Variants in DRAM1 observed in about 807,000 individuals in gnomAD.
DRAM1 encodes DNA damage regulated autophagy modulator 1.
In DRAM1, 25 loss-of-function variants were observed where a neutral mutation model predicts 28.5. The observed-to-expected ratio is 0.88, with a 90% confidence interval of 0.64 to 1.23. The LOEUF is 1.23. DRAM1 is among the 50% of genes most tolerant of loss of function. DRAM1 has a pLI of 0.00. For synonymous variants in DRAM1, 113 were observed against 114.2 expected, an observed-to-expected ratio of 0.99 and a Z score of 0.07; for missense variants, 249 against 299.2, an observed-to-expected ratio of 0.83 and a Z score of 1.24.
intron 1 of DRAM1, among the ~76,000 whole-genome samples, chr12:101,886,062 C>T (rs1016156825): frequency 2.0e-5 from 3 of 152,144 alleles, no homozygotes; most frequent in African/African-American, 7.2e-5. Context: ...TAATTGTTAA[C>T]TGATTCTGCC....
chr12:101,905,145 C>G (rs1376080718), intron 3 of DRAM1, among the ~76,000 whole-genome samples: 1 of 152,140 alleles, frequency 6.6e-6, no homozygotes, highest in Non-Finnish European at 1.5e-5. Flanking sequence ...TGTGATCCTC[C>G]CATCTCCACC....
chr12:101,891,038 C>T (rs75264705), intron 1 of DRAM1, among the ~76,000 whole-genome samples: 5 of 152,102 alleles, frequency 3.3e-5, no homozygotes, highest in African/African-American at 1.2e-4. Context: ...CGTGAGCCAC[C>T]GCGCCCGGCC....
chr12:101,914,279 G>A (rs1018095027), intron 5 of DRAM1, 47 bp downstream of exon 5: 1 of 1,502,118 alleles, frequency 6.7e-7, no homozygotes, highest in Non-Finnish European at 9.2e-7. Flanking sequence ...GTGGTTATGT[G>A]AGCTTGTGGC....
chr12:101,904,956 A>G (rs1315039832), intron 3 of DRAM1, among the ~76,000 whole-genome samples: 1 of 152,206 alleles, frequency 6.6e-6, no homozygotes, highest in African/African-American at 2.4e-5. Context: ...ATGCAATAGC[A>G]CAATCATAGC....
At chr12:101,914,739 C>A (rs1210007898) in intron 5 of DRAM1, among the ~76,000 whole-genome samples, 1 of 151,300 alleles carries the variant, frequency 6.6e-6, no homozygotes, top group African/African-American at 2.4e-5. Flanking sequence ...CTCACTGCAA[C>A]CTTTGCCTCC....
chr12:101,894,816 C>A (rs1873285804), intron 1 of DRAM1, among the ~76,000 whole-genome samples: 1 of 152,166 alleles, frequency 6.6e-6, no homozygotes, highest in Admixed American at 6.5e-5. Flanking sequence ...CACAGACAGG[C>A]AAACAACCTT....
chr12:101,922,672 C>T lies in DRAM1; in HGVS notation c.*1412C>T, dbSNP rs1201196024. On this transcript the variant is annotated 3_prime_UTR_variant, in exon 7 of 7. Transcript: ENST00000258534. ...CACCCCTACCGCTGCCATTTGGGCC[C>T]TTTAATAAAGCCAAGTAGAGAAATC... 6.6e-6 allele frequency: 1 copy of T among 152,174 alleles called. No homozygotes were observed. The highest frequency in any genetic ancestry group is 2.4e-5 in the African/African-American group (1 of 41,420). 9.4% of individuals were successfully genotyped at this position (152,174 alleles called of 1,614,324 possible).
At chr12:101,890,059 CTTTTTCT>C (rs763546307) in intron 1 of DRAM1, 18 of 448,190 alleles carry the variant, frequency 4.0e-5, no homozygotes, top group Non-Finnish European at 5.8e-5. Context: ...CTAATTTTTT[CTTTTTCT>C]TTTTTCTTTT....
chr12:101,910,314 A>T (rs1040965042), intron 4 of DRAM1, among the ~76,000 whole-genome samples: 1 of 152,154 alleles, frequency 6.6e-6, no homozygotes, highest in African/African-American at 2.4e-5. Context: ...TGTAAAATTC[A>T]TAATAGTGGT....
At chr12:101,898,910 A>C (rs1873489302) in intron 2 of DRAM1, among the ~76,000 whole-genome samples, 1 of 152,214 alleles carries the variant, frequency 6.6e-6, no homozygotes, top group African/African-American at 2.4e-5. Flanking sequence ...ATTAATTACA[A>C]CTATTGTATA....
Position 101,922,624 on chromosome 12 carries a change from A to G in DRAM1, c.*1364A>G, listed in dbSNP as rs1246307666. 1.3e-5 allele frequency: 2 copies of G among 152,210 alleles called. No individual in the cohort carries two copies. The highest frequency in any genetic ancestry group is 2.9e-5 in the Non-Finnish European group (2 of 68,054). 9.4% of individuals were successfully genotyped at this position (152,210 alleles called of 1,614,324 possible). Reference sequence around the variant, plus strand: ...GCTGCCTCCCCTCTATGTGTTTAGCATATGTTATTAGAACATGTCCGACAC... The same window carrying G: ...GCTGCCTCCCCTCTATGTGTTTAGCGTATGTTATTAGAACATGTCCGACAC... On this transcript the variant is annotated 3_prime_UTR_variant, in exon 7 of 7. Transcript: ENST00000258534.
chr12:101,879,602 G>A (rs1872618861), intron 1 of DRAM1, among the ~76,000 whole-genome samples: 1 of 150,972 alleles, frequency 6.6e-6, no homozygotes, highest in Non-Finnish European at 1.5e-5. Flanking sequence ...TATTATGCTT[G>A]GAAGAAACCT....
intron 1 of DRAM1, among the ~76,000 whole-genome samples, chr12:101,885,360 C>T (rs762867513): frequency 5.3e-5 from 8 of 152,060 alleles, no homozygotes; most frequent in East Asian, 1.9e-4. Context: ...TAGCTCAAAT[C>T]GAGGGAGGGA....
chr12:101,911,769 AATG>A (rs1023309239), intron 4 of DRAM1, among the ~76,000 whole-genome samples: 27 of 148,596 alleles, frequency 1.8e-4, no homozygotes, highest in African/African-American at 6.4e-4. Context: ...TACACATTGA[AATG>A]ATATCATCAG....
Position 101,920,093 on chromosome 12 carries a change from T to C in DRAM1, c.580-16T>C, listed in dbSNP as rs899165563. 2 of 1,554,584 alleles carry C rather than the reference T, an allele frequency of 1.3e-6. No homozygotes were observed. The highest frequency in any genetic ancestry group is 1.2e-5 in the South Asian group (1 of 82,022). On this transcript the variant is annotated splice_polypyrimidine_tract_variant and intron_variant, in intron 5 of 6. Transcript: ENST00000258534. Reference sequence around the variant, plus strand: ...GTCTTTTTCGGCTAAATTCTGTTTCTTTATTATTGCATTAGGATTATGTAT... The same window carrying C: ...GTCTTTTTCGGCTAAATTCTGTTTCCTTATTATTGCATTAGGATTATGTAT...
At chr12:101,885,567 A>G (rs7960121) in intron 1 of DRAM1, among the ~76,000 whole-genome samples, 95,031 of 142,664 alleles carry the variant, frequency 0.67, 32,880 homozygotes, top group East Asian at 0.91. Flanking sequence ...TTGCTCTGTC[A>G]CCCAGGCTGG....
chr12:101,920,636 G>T (rs906355232), intron 6 of DRAM1, among the ~76,000 whole-genome samples: 1 of 152,176 alleles, frequency 6.6e-6, no homozygotes, highest in Admixed American at 6.5e-5. Context: ...AGTATGCCAG[G>T]TGTGGTGGTT....
chr12:101,896,234 A>G, intron 1 of DRAM1, among the ~76,000 whole-genome samples: 1 of 152,342 alleles, frequency 6.6e-6, no homozygotes, highest in Non-Finnish European at 1.5e-5. Flanking sequence ...TGTTCGCAAA[A>G]CTTAAAAAAT....
chr12:101,916,890 T>C (rs533924118), intron 5 of DRAM1, among the ~76,000 whole-genome samples: 5 of 152,306 alleles, frequency 3.3e-5, no homozygotes, highest in Admixed American at 1.3e-4. Context: ...AATGGCTAAA[T>C]GTAATACTTT....
Sources: gnomAD v4.1 joint callset for allele counts (sites outside exome capture counted in the v4.1 genomes callset) on GRCh38, gnomAD v4.1.1 for gene constraint, MANE v1.5 for transcripts, NCBI Gene and HGNC (gene_info 2026-07-23, HGNC 2026-07-21) for gene names.